The following ADGRL3 variants were observed in gnomAD, a reference collection of about 807,000 sequenced individuals.
ADGRL3 encodes calcium-independent alpha-latrotoxin receptor 3.
In ADGRL3, 62 loss-of-function variants were observed where a neutral mutation model predicts 153.5. The ratio of observed to expected loss-of-function variants is 0.40; its 90% CI spans 0.33 to 0.50. The LOEUF is 0.50. Ranked by LOEUF, ADGRL3 falls within the 20% of genes least tolerant of loss-of-function variation. The pLI, the probability that ADGRL3 is intolerant of heterozygous loss-of-function variation, is 0.47. For synonymous variants in ADGRL3, 710 were observed against 672.5 expected, an observed-to-expected ratio of 1.06 and a Z score of -0.86; for missense variants, 1,641 against 1,859.4, an observed-to-expected ratio of 0.88 and a Z score of 2.16.
intron 5 of ADGRL3, among the ~76,000 whole-genome samples, chr4:61,668,479 T>G (rs981342953): frequency 8.5e-5 from 13 of 152,202 alleles, no homozygotes; most frequent in African/African-American, 3.1e-4. Context: ...TACAATATCC[T>G]AGGTTCCACA....
At chr4:61,248,190 T>C (rs1293385612) in intron 1 of ADGRL3, among the ~76,000 whole-genome samples, 5 of 151,870 alleles carry the variant, frequency 3.3e-5, no homozygotes, top group African/African-American at 4.8e-5. Context: ...TGCTGTAGAG[T>C]AATTTTTTTT....
intron 1 of ADGRL3, among the ~76,000 whole-genome samples, chr4:61,337,918 A>T (rs764744622): frequency 3.3e-5 from 5 of 152,136 alleles, no homozygotes. Flanking sequence ...TCCTTGTTAT[A>T]TCATAATCTC....
At chr4:61,635,682 A>G (rs73822702) in intron 5 of ADGRL3, among the ~76,000 whole-genome samples, 4,292 of 152,188 alleles carry the variant, frequency 0.028, 158 homozygotes, top group East Asian at 0.14. Context: ...TAGGGCTGCC[A>G]TAACCAAGAA....
chr4:61,478,394 A>G (rs1030814080), intron 2 of ADGRL3, among the ~76,000 whole-genome samples: 3 of 151,350 alleles, frequency 2.0e-5, no homozygotes, highest in Admixed American at 6.6e-5. Context: ...GAGAAAGGGG[A>G]AAAAAAAAGA....
chr4:61,312,841 A>C (rs1309159804), intron 1 of ADGRL3, among the ~76,000 whole-genome samples: 1 of 152,158 alleles, frequency 6.6e-6, no homozygotes, highest in Admixed American at 6.5e-5. Flanking sequence ...CAATACTCTT[A>C]CCATACTATT....
chr4:61,476,593 C>T (rs2152710425), intron 2 of ADGRL3, among the ~76,000 whole-genome samples: 1 of 151,382 alleles, frequency 6.6e-6, no homozygotes, highest in Non-Finnish European at 1.5e-5. Flanking sequence ...TTGGTGATCC[C>T]AGCTACTTGG....
intron 2 of ADGRL3, among the ~76,000 whole-genome samples, chr4:61,417,786 A>G (rs1054340221): frequency 2.0e-5 from 3 of 152,150 alleles, no homozygotes; most frequent in Non-Finnish European, 2.9e-5. Context: ...TGAGACATAC[A>G]GAATATGGAG....
At chr4:61,673,490 C>T (rs2095076128) in intron 5 of ADGRL3, among the ~76,000 whole-genome samples, 1 of 151,572 alleles carries the variant, frequency 6.6e-6, no homozygotes, top group Non-Finnish European at 1.5e-5. Context: ...CATTAGATTA[C>T]TTTATCTCAC....
chr4:61,672,774 A>G (rs1337614821), intron 5 of ADGRL3, among the ~76,000 whole-genome samples: 1 of 152,036 alleles, frequency 6.6e-6, no homozygotes, highest in African/African-American at 2.4e-5. Flanking sequence ...AGGTACTTCA[A>G]AAAATTAAAA....
chr4:61,566,056 A>G (rs1156601043), intron 4 of ADGRL3, among the ~76,000 whole-genome samples: 1 of 152,218 alleles, frequency 6.6e-6, no homozygotes, highest in Non-Finnish European at 1.5e-5. Flanking sequence ...TTGCCCCAGA[A>G]CATTGAACTA....
chr4:61,283,890 A>G (rs2093821208), intron 1 of ADGRL3, among the ~76,000 whole-genome samples: 1 of 151,960 alleles, frequency 6.6e-6, no homozygotes, highest in Admixed American at 6.6e-5. Flanking sequence ...CAAAGTCCCT[A>G]TCTCTCTTTA....
At chr4:61,748,100 C>T (rs2096695992) in intron 8 of ADGRL3, among the ~76,000 whole-genome samples, 1 of 151,440 alleles carries the variant, frequency 6.6e-6, no homozygotes, top group South Asian at 2.1e-4. Flanking sequence ...AGTGAACTCC[C>T]ATTCACAATT....
chr4:61,246,624 C>T (rs1457805486), intron 1 of ADGRL3, among the ~76,000 whole-genome samples: 2 of 151,798 alleles, frequency 1.3e-5, no homozygotes, highest in East Asian at 1.9e-4. Flanking sequence ...ATTTTTGTTA[C>T]ATTATAATTT....
At chr4:61,572,831 A>C (rs1421618546) in intron 4 of ADGRL3, among the ~76,000 whole-genome samples, 1 of 152,034 alleles carries the variant, frequency 6.6e-6, no homozygotes, top group Non-Finnish European at 1.5e-5. Context: ...CAAATGTAAA[A>C]GTTCCATGAT....
At chr4:61,744,840 C>T (rs2096633156) in intron 8 of ADGRL3, among the ~76,000 whole-genome samples, 1 of 152,150 alleles carries the variant, frequency 6.6e-6, no homozygotes, top group Non-Finnish European at 1.5e-5. Context: ...AGCTCCTCAC[C>T]AGCAACGGAA....
chr4:61,712,011 A>T (rs1465485177), intron 6 of ADGRL3, among the ~76,000 whole-genome samples: 1 of 121,764 alleles, frequency 8.2e-6, no homozygotes, highest in African/African-American at 3.3e-5. Flanking sequence ...GAGTTTTAGG[A>T]ATCATTGCAA....
At chr4:62,056,917 T>C (rs1302046185) in intron 25 of ADGRL3, among the ~76,000 whole-genome samples, 1 of 152,098 alleles carries the variant, frequency 6.6e-6, no homozygotes, top group Non-Finnish European at 1.5e-5. Context: ...GCTATATGAC[T>C]GACTATTGAT....
intron 1 of ADGRL3, among the ~76,000 whole-genome samples, chr4:61,343,724 T>C (rs971969697): frequency 6.6e-6 from 1 of 152,200 alleles, no homozygotes; most frequent in South Asian, 2.1e-4. Context: ...CAGTGCATAA[T>C]ATCTTAAAGG....
At chr4:61,249,983 A>G in intron 1 of ADGRL3, among the ~76,000 whole-genome samples, 1 of 152,136 alleles carries the variant, frequency 6.6e-6, no homozygotes, top group East Asian at 1.9e-4. Context: ...TCTTATGATG[A>G]TCCACATTAA....
Sources: gnomAD v4.1 joint callset for allele counts (sites outside exome capture counted in the v4.1 genomes callset) on GRCh38, gnomAD v4.1.1 for gene constraint, MANE v1.5 for transcripts, NCBI Gene and HGNC (gene_info 2026-07-23, HGNC 2026-07-21) for gene names.